The following ZNF438 variants were observed in gnomAD, a reference collection of about 807,000 sequenced individuals.
The protein encoded by ZNF438 is zinc finger protein 438.
ZNF438 carries 25 observed loss-of-function variants against 38.0 expected under a neutral mutation model. The observed-to-expected ratio is 0.66, with a 90% CI of 0.48 to 0.92. The LOEUF is 0.92. Among genes scored for constraint, ZNF438 ranks in the 40% least tolerant of loss-of-function variants. ZNF438 has a pLI of 0.00. For synonymous variants in ZNF438, 372 were observed against 364.1 expected (o/e 1.02, Z -0.25); for missense variants, 1,007 against 999.6 (o/e 1.01, Z -0.10).
intron 2 of ZNF438, among the ~76,000 whole-genome samples, chr10:30,929,086 A>G (rs189621877): frequency 5.9e-5 from 9 of 152,326 alleles, no homozygotes; most frequent in African/African-American, 2.2e-4. Flanking sequence ...TTATGCTAAG[A>G]TTTTAATAGA....
chr10:31,009,230 C>T (rs145434685), intron 1 of ZNF438, among the ~76,000 whole-genome samples: 2 of 152,168 alleles, frequency 1.3e-5, no homozygotes, highest in Non-Finnish European at 2.9e-5. Context: ...AGTGCAGCTA[C>T]TTGCACTAGA....
chr10:30,930,172 G>T (rs910063412), intron 2 of ZNF438, among the ~76,000 whole-genome samples: 30 of 141,380 alleles, frequency 2.1e-4, no homozygotes, highest in South Asian at 1.6e-3. Flanking sequence ...GGTGGGGGGG[G>T]AGTGCGGGGC....
chr10:30,921,607 C>A (rs2044304659), intron 2 of ZNF438, among the ~76,000 whole-genome samples: 1 of 152,154 alleles, frequency 6.6e-6, no homozygotes, highest in African/African-American at 2.4e-5. Flanking sequence ...TTCAAGTTGT[C>A]ACTTATTTCA....
chr10:30,940,416 G>A (rs529229488), intron 2 of ZNF438, among the ~76,000 whole-genome samples: 3 of 152,352 alleles, frequency 2.0e-5, no homozygotes, highest in East Asian at 1.9e-4. Context: ...ATCAGAGAAC[G>A]TGTCATAGAG....
chr10:30,896,250 C>T (rs544047275), intron 3 of ZNF438, among the ~76,000 whole-genome samples: 36 of 147,510 alleles, frequency 2.4e-4, no homozygotes, highest in African/African-American at 8.5e-4. Flanking sequence ...GAGCCGAGAC[C>T]GCGCCACGGC....
chr10:31,008,297 A>C (rs1195793443), intron 1 of ZNF438, among the ~76,000 whole-genome samples: 1 of 152,216 alleles, frequency 6.6e-6, no homozygotes, highest in Non-Finnish European at 1.5e-5. Flanking sequence ...ATTGAGGTAT[A>C]ATTCACATAC....
At chr10:30,945,043 C>T (rs2047224520) in intron 1 of ZNF438, among the ~76,000 whole-genome samples, 1 of 150,310 alleles carries the variant, frequency 6.7e-6, no homozygotes. Context: ...AGTACTCTTC[C>T]AGATTTTTTT....
intron 3 of ZNF438, among the ~76,000 whole-genome samples, chr10:30,883,195 A>G (rs1056592419): frequency 2.0e-5 from 3 of 152,172 alleles, no homozygotes; most frequent in Admixed American, 2.0e-4. Context: ...TTTGCCTCTA[A>G]ATTGGCAGAA....
At chr10:31,031,232 T>C (rs1690621) in intron 1 of ZNF438, among the ~76,000 whole-genome samples, 113,890 of 152,206 alleles carry the variant, frequency 0.75, 43,251 homozygotes, top group African/African-American at 0.83. Flanking sequence ...TGTATAAGCT[T>C]TCTCCTAGCA....
chr10:30,957,029 C>G (rs1319094035), intron 1 of ZNF438, among the ~76,000 whole-genome samples: 3 of 152,104 alleles, frequency 2.0e-5, no homozygotes, highest in Non-Finnish European at 2.9e-5. Flanking sequence ...TTAACAGTTC[C>G]CTTTTCTCCA....
At chr10:30,904,966 T>C (rs1471304925) in intron 3 of ZNF438, among the ~76,000 whole-genome samples, 1 of 152,200 alleles carries the variant, frequency 6.6e-6, no homozygotes, top group Non-Finnish European at 1.5e-5. Context: ...CTCATACTCC[T>C]AACAGACAAG....
chr10:30,943,761 C>T (rs2047068268), intron 1 of ZNF438, among the ~76,000 whole-genome samples: 1 of 152,122 alleles, frequency 6.6e-6, no homozygotes. Context: ...ACAAAGGTGG[C>T]ATGCTGAGCC....
At chr10:30,848,939 G>A (rs919903020) in exon 5 of ZNF438, 32 of 1,614,002 alleles carry the variant, frequency 2.0e-5, no homozygotes, top group Non-Finnish European at 2.6e-5. Context: ...GCTGGGCTTA[G>A]GGGAAGAGCT....
chr10:30,904,870 T>A (rs1223138851), intron 3 of ZNF438, among the ~76,000 whole-genome samples: 1 of 152,180 alleles, frequency 6.6e-6, no homozygotes, highest in Non-Finnish European at 1.5e-5. Flanking sequence ...AAGAGAACTG[T>A]CCCTGACCTA....
chr10:31,011,862 T>C (rs1346652001), intron 1 of ZNF438, among the ~76,000 whole-genome samples: 1 of 152,218 alleles, frequency 6.6e-6, no homozygotes, highest in East Asian at 1.9e-4. Context: ...TTCACGACCC[T>C]TGAATAGAAT....
intron 1 of ZNF438, among the ~76,000 whole-genome samples, chr10:30,987,743 G>GAGA (rs1352266748): frequency 3.3e-5 from 5 of 151,004 alleles, no homozygotes; most frequent in Non-Finnish European, 7.4e-5. Flanking sequence ...AGGACATAAT[G>GAGA]AGAAGATCAA....
rs1003205901 is a variant in ZNF438, at chr10:30,962,219, C to T, written c.-191-20568G>A. ...TTAAAATACTCAGATCAATCTCAAA[C>T]CTTATTTTAGATATAAGCTTCAGCC... On this transcript the variant is annotated intron_variant, in intron 1 of 5. Coordinates refer to ENST00000413025, the Ensembl canonical transcript of ZNF438. Among the ~76,000 whole-genome samples, 10 of 146,930 alleles carry T rather than the reference C, an allele frequency of 6.8e-5. 1 individual carries two copies. Among genetic ancestry groups the T allele is most frequent in the African/African-American group, 2.4e-4 (10 of 41,058 alleles).
intron 2 of ZNF438, among the ~76,000 whole-genome samples, chr10:30,935,758 G>T (rs974063147): frequency 6.6e-6 from 1 of 152,192 alleles, no homozygotes; most frequent in Non-Finnish European, 1.5e-5. Flanking sequence ...AAGCAGGCAC[G>T]TCTTACATGG....
intron 1 of ZNF438, among the ~76,000 whole-genome samples, chr10:30,994,654 G>C (rs749832122): frequency 1.3e-5 from 2 of 152,054 alleles, no homozygotes; most frequent in African/African-American, 2.4e-5. Flanking sequence ...TATTGGTATT[G>C]GTCTTTGGTA....
Sources: allele counts gnomAD v4.1 joint callset (sites outside exome capture counted in the v4.1 genomes callset), GRCh38; gene constraint gnomAD v4.1.1; transcripts MANE v1.5; gene names NCBI Gene and HGNC (gene_info 2026-07-23, HGNC 2026-07-21).